SLC25A41: variants seen among roughly 807,000 people sequenced by gnomAD.
SLC25A41 encodes solute carrier family 25 member 41.
SLC25A41 carries 35 observed loss-of-function variants against 34.7 expected under a neutral mutation model. The observed-to-expected ratio is 1.01, with a 90% CI of 0.77 to 1.34. The LOEUF is 1.34. Among genes scored for constraint, SLC25A41 ranks in the 40% most tolerant of loss-of-function variants. The probability of loss-of-function intolerance (pLI) is 0.00; values close to 1 mark genes in which losing one functional copy is unlikely to be tolerated. For missense variants in SLC25A41, 492 were observed against 489.8 expected, an observed-to-expected ratio of 1.00 and a Z score of -0.04; for synonymous variants, 190 against 209.9, an observed-to-expected ratio of 0.91 and a Z score of 0.82.
intron 4 of SLC25A41, 33 bp downstream of exon 4, chr19:6,429,691 G>C: frequency 6.7e-7 from 1 of 1,501,408 alleles, no homozygotes; most frequent in Non-Finnish European, 9.0e-7. Context: ...TTTCCACGGC[G>C]TTTCCTCACC....
rs2092261577 is a variant in SLC25A41, at chr19:6,429,087, TATATATGTTAC to T, written c.624+626_624+636del. ...ATATATATATATAATATATATATTA[TATATATGTTAC>T]ATATATATATAATATATATATTATA... On this transcript the variant is annotated intron_variant, in intron 4 of 6. Transcript: ENST00000321510. Among the ~76,000 whole-genome samples, 6 of 41,312 alleles carry T rather than the reference TATATATGTTAC, an allele frequency of 1.5e-4. 2 individuals carry two copies. Among genetic ancestry groups the T allele is most frequent in the African/African-American group, 7.8e-4 (5 of 6,436 alleles). 27.1% of individuals were successfully genotyped at this position (41,312 alleles called of 152,430 possible).
chr19:6,434,393 TTCTC>T (rs1599262061), upstream of SLC25A41, among the ~76,000 whole-genome samples: 1 of 151,888 alleles, frequency 6.6e-6, no homozygotes, highest in Non-Finnish European at 1.5e-5. Context: ...CCAGAGCTCT[TTCTC>T]TCTCTCTGTC....
chr19:6,432,838 G>A lies in SLC25A41; in HGVS notation c.208-634C>T, dbSNP rs112840770. On this transcript the variant is annotated intron_variant, in intron 1 of 6. Coordinates refer to ENST00000321510, the MANE Select transcript of SLC25A41 (RefSeq NM_173637.4). ...GTGCCAACGTGCCGAGCAAATTTTT[G>A]TATTATTTTAATAGAGGCAGGGTTT... Among the ~76,000 whole-genome samples the A allele has an allele frequency of 4.5e-3, 678 of 149,454 alleles. 2 individuals are homozygous for A. The highest frequency in any genetic ancestry group is 0.016 in the African/African-American group (649 of 40,540).
chr19:6,430,832 G>A (rs960906128), intron 2 of SLC25A41, among the ~76,000 whole-genome samples: 3 of 151,578 alleles, frequency 2.0e-5, no homozygotes, highest in African/African-American at 4.9e-5. Context: ...TTATGTTTTC[G>A]AGACAGGATC....
rs1191888761 is a variant in SLC25A41, at chr19:6,427,967, T to C, written c.625-466A>G. Among the ~76,000 whole-genome samples, 1 of 151,928 alleles carries C rather than the reference T, an allele frequency of 6.6e-6. No individual in the cohort carries two copies. Among genetic ancestry groups the C allele is most frequent in the African/African-American group, 2.4e-5 (1 of 41,350 alleles). On this transcript the variant is annotated intron_variant, in intron 4 of 6. Transcript: ENST00000321510. The surrounding 1 kb of genome is among the most constrained non-coding windows in gnomAD (Gnocchi z 4.9). ...AAAAATTGAAGACAGCTGGCAAAACTTTATGGCAAAAAGATCAAGCACTGG... is the reference window on the plus strand; with the variant it reads ...AAAAATTGAAGACAGCTGGCAAAACCTTATGGCAAAAAGATCAAGCACTGG...
chr19:6,426,667 G>T, intron 6 of SLC25A41, 106 bp from the exon 7 acceptor site: 1 of 1,232,600 alleles, frequency 8.1e-7, no homozygotes, highest in Non-Finnish European at 1.1e-6. Flanking sequence ...GGGCCCCAGG[G>T]GTCAGTAGGA....
Position 6,427,077 on chromosome 19 carries a change from G to C in SLC25A41, c.940+26C>G, listed in dbSNP as rs189986398. Reference sequence around the variant, plus strand: ...AGGGTGGGGCGGGGAAGGGGCATGCGTGGTGGCCGCTGGGGACAGGCTGAC... The same window carrying C: ...AGGGTGGGGCGGGGAAGGGGCATGCCTGGTGGCCGCTGGGGACAGGCTGAC... On this transcript the variant is annotated intron_variant, in intron 6 of 6. Transcript: ENST00000321510. This position sits in a 1 kb window ranked among gnomAD's most constrained non-coding sequence, Gnocchi z 4.9. 1.3e-6 allele frequency: 2 copies of C among 1,577,144 alleles called. No homozygotes were observed. The highest frequency in any genetic ancestry group is 1.7e-6 in the Non-Finnish European group (2 of 1,162,410).
intron 2 of SLC25A41, chr19:6,430,564 T>G: frequency 2.7e-6 from 1 of 371,446 alleles, no homozygotes; most frequent in Non-Finnish European, 5.2e-6. Context: ...CTCGGCTCAC[T>G]GCAACCTCCG....
rs796622960 is a variant in SLC25A41 at position 6,429,120 on chromosome 19, T to A, written c.624+604A>T. On this transcript the variant is annotated intron_variant, in intron 4 of 6. Transcript: ENST00000321510. ...TTACATATATATATAATATATATAT[T>A]ATATATATGTTATATATATATATAA... Among the ~76,000 whole-genome samples the A allele has an allele frequency of 1.5e-3, 53 of 34,398 alleles. 11 individuals are homozygous for A. Among genetic ancestry groups the A allele is most frequent in the Admixed American group, 8.4e-3 (11 of 1,306 alleles). The allele number at this position is 34,398 out of a possible 152,430, so 22.6% of individuals were successfully genotyped here.
intron 1 of SLC25A41, among the ~76,000 whole-genome samples, chr19:6,432,421 C>G (rs2092289591): frequency 6.6e-6 from 1 of 151,182 alleles, no homozygotes. Flanking sequence ...CAAGCAGTTC[C>G]TGCCGCAGCC....
At chr19:6,429,404 A>AAGGGGAGGAGG (rs2092271420) in intron 4 of SLC25A41, among the ~76,000 whole-genome samples, 1 of 306 alleles carries the variant, frequency 3.3e-3, no homozygotes. Context: ...AGAAGGGAGA[A>AAGGGGAGGAGG]AGGAAGAGGG....
In SLC25A41 at chr19:6,433,593, T is replaced by TGGGGGGGAGGGGGGGGGGGGGGGGGGTG; in HGVS notation, c.100_101insCACCCCCCCCCCCCCCCCCCTCCCCCCC (p.Gln34ProfsTer35). The TGGGGGGGAGGGGGGGGGGGGGGGGGGTG allele has an allele frequency of 9.6e-7, 1 of 1,043,158 alleles. No individual in the cohort carries two copies. The highest frequency in any genetic ancestry group is 2.3e-5 in the Admixed American group (1 of 42,574). The allele number at this position is 1,043,158 out of a possible 1,614,324, so 64.6% of individuals were successfully genotyped here. A position where few individuals can be genotyped will look rare whatever the true frequency, so the allele number is the denominator to read the frequency against. On this transcript the variant is annotated frameshift_variant, in exon 1 of 7. Transcript: ENST00000321510. LOFTEE classifies it high-confidence loss of function. ...CCAGGATGGGGGTGGAGGCGGAGGT[T>TGGGGGGGAGGGGGGGGGGGGGGGGGGTG]GGGGGGGAGGCGGGGCTTTGATGAG...
rs2092251119 is a variant in SLC25A41, at chr19:6,427,814, C to T, written c.625-313G>A. On this transcript the variant is annotated intron_variant, in intron 4 of 6. Transcript: ENST00000321510. This position sits in a 1 kb window ranked among gnomAD's most constrained non-coding sequence, Gnocchi z 4.9. ...CCAGCCTGGGCAACATAGCGAGACC[C>T]CATCTTTACAAAAAAATCAATAAAA... is the stretch of plus-strand genomic sequence containing the variant. Among the ~76,000 whole-genome samples the T allele has an allele frequency of 6.6e-6, 1 of 151,888 alleles. No homozygotes were observed. The highest frequency in any genetic ancestry group is 2.1e-4 in the South Asian group (1 of 4,820).
rs2092259041 is a variant in SLC25A41, at chr19:6,429,041, T to TATATAAC, written c.624+682_624+683insGTTATAT. On this transcript the variant is annotated intron_variant, in intron 4 of 6. Transcript: ENST00000321510. Reference sequence around the variant, plus strand: ...TGAAAATTTATATATATATATATAATATATATATTATATATATGTTATATA... The same window carrying TATATAAC: ...TGAAAATTTATATATATATATATAATATATAACATATATATTATATATATGTTATATA... Among the ~76,000 whole-genome samples the TATATAAC allele has an allele frequency of 7.9e-5, 4 of 50,708 alleles. 1 individual carries two copies. The highest frequency in any genetic ancestry group is 4.2e-4 in the Admixed American group (1 of 2,386). The allele number at this position is 50,708 out of a possible 152,430, so 33.3% of individuals were successfully genotyped here. A position where few individuals can be genotyped will look rare whatever the true frequency, so the allele number is the denominator to read the frequency against.
chr19:6,429,130 TTATATATATATATA>T lies in SLC25A41; in HGVS notation c.624+580_624+593del. On this transcript the variant is annotated intron_variant, in intron 4 of 6. Coordinates refer to ENST00000321510, the MANE Select transcript of SLC25A41 (RefSeq NM_173637.4). ...ATATAATATATATATTATATATATGTTATATATATATATAATATATATATTATATATATAATATA... is the reference window on the plus strand; with the variant it reads ...ATATAATATATATATTATATATATGTATATATATATTATATATATAATATA... Among the ~76,000 whole-genome samples the T allele has an allele frequency of 1.9e-4, 2 of 10,620 alleles. 1 individual carries two copies. Among genetic ancestry groups the T allele is most frequent in the Non-Finnish European group, 3.6e-4 (2 of 5,532 alleles). The allele number at this position is 10,620 out of a possible 152,430, so 7.0% of individuals were successfully genotyped here.
rs1425671762 is a variant in SLC25A41 at position 6,428,765 on chromosome 19, G to T, written c.624+959C>A. On this transcript the variant is annotated intron_variant, in intron 4 of 6. Coordinates refer to ENST00000321510, the MANE Select transcript of SLC25A41 (RefSeq NM_173637.4). ...CTCCCTCTATCACCCAGGCTGGAGTGCAGTTGTGTCCCATCATAGCTCACT... is the reference window on the plus strand; with the variant it reads ...CTCCCTCTATCACCCAGGCTGGAGTTCAGTTGTGTCCCATCATAGCTCACT... 1.6e-4 allele frequency among the ~76,000 whole-genome samples: 23 copies of T among 144,952 alleles called. No individual in the cohort carries two copies. The East Asian group carries it at 4.4e-3, about 28-fold the overall frequency.
intron 1 of SLC25A41, among the ~76,000 whole-genome samples, chr19:6,433,263 G>A (rs1234361617): frequency 1.3e-5 from 2 of 151,964 alleles, no homozygotes; most frequent in Non-Finnish European, 2.9e-5. Context: ...TGGCCAGGTT[G>A]GTCTTGAACT....
upstream of SLC25A41, among the ~76,000 whole-genome samples, chr19:6,435,697 A>T (rs1360679658): frequency 6.6e-6 from 1 of 152,114 alleles, no homozygotes; most frequent in Non-Finnish European, 1.5e-5. Context: ...TTCTACAAAA[A>T]TTTTTTAAAA....
At chr19:6,426,653 G>C in intron 6 of SLC25A41, 92 bp from the exon 7 acceptor site, 1 of 1,464,482 alleles carries the variant, frequency 6.8e-7, no homozygotes, top group Non-Finnish European at 9.3e-7. Flanking sequence ...GAAGCCACGG[G>C]TAGGGGCCCC....
Sources: allele counts gnomAD v4.1 joint callset (sites outside exome capture counted in the v4.1 genomes callset), GRCh38; gene constraint gnomAD v4.1.1; non-coding constraint Gnocchi (gnomAD v3.1); transcripts MANE v1.5; gene names NCBI Gene and HGNC (gene_info 2026-07-23, HGNC 2026-07-21).